Variants in SMPD3 observed in about 807,000 individuals in gnomAD.
SMPD3 encodes the protein sphingomyelin phosphodiesterase 3.
SMPD3 carries 21 observed loss-of-function variants against 55.7 expected under a neutral mutation model. The observed-to-expected ratio is 0.38, with a 90% CI of 0.27 to 0.54. SMPD3 has a LOEUF of 0.54. Among genes scored for constraint, SMPD3 ranks in the 20% least tolerant of loss-of-function variants. The pLI, the probability that SMPD3 is intolerant of heterozygous loss-of-function variation, is 0.80. For missense variants in SMPD3, 842 were observed against 899.6 expected, an observed-to-expected ratio of 0.94 and a Z score of 0.82; for synonymous variants, 457 against 404.3, an observed-to-expected ratio of 1.13 and a Z score of -1.56.
intron 3 of SMPD3, among the ~76,000 whole-genome samples, chr16:68,365,771 C>T (rs2089461643): frequency 6.6e-6 from 1 of 152,214 alleles, no homozygotes; most frequent in Admixed American, 6.5e-5. Context: ...CCCCTCTGCC[C>T]CGACCTCCTG....
chr16:68,376,302 TC>T (rs2089812610), intron 2 of SMPD3, among the ~76,000 whole-genome samples: 2 of 152,182 alleles, frequency 1.3e-5, no homozygotes, highest in African/African-American at 4.8e-5. Flanking sequence ...CTGGTGCCTG[TC>T]CCCTTCCTGT....
In SMPD3 at chr16:68,365,001, T is replaced by A; in HGVS notation, c.1399+16A>T. The A allele has an allele frequency of 6.2e-7, 1 of 1,613,946 alleles. No individual in the cohort carries two copies. The highest frequency in any genetic ancestry group is 8.5e-7 in the Non-Finnish European group (1 of 1,179,962). ...ATCCCATGCCTAGAAAAAACACAGG[T>A]GGGCGGCAACCCTACCTTGCGGGGC... On this transcript the variant is annotated intron_variant, in intron 4 of 8. Coordinates refer to ENST00000219334, the MANE Select transcript of SMPD3 (RefSeq NM_018667.4).
intron 1 of SMPD3, among the ~76,000 whole-genome samples, chr16:68,442,430 C>A (rs547365637): frequency 2.0e-5 from 3 of 152,286 alleles, no homozygotes; most frequent in Admixed American, 2.0e-4. Flanking sequence ...GGACTTATCC[C>A]ACATTGTGGT....
chr16:68,390,484 A>G (rs966284705), intron 1 of SMPD3, among the ~76,000 whole-genome samples: 6 of 152,134 alleles, frequency 3.9e-5, no homozygotes, highest in Non-Finnish European at 7.4e-5. Context: ...AACATGGTGA[A>G]ACCCTGTCTC....
intron 1 of SMPD3, among the ~76,000 whole-genome samples, chr16:68,405,348 C>T (rs1003713535): frequency 1.2e-4 from 18 of 151,888 alleles, no homozygotes; most frequent in Non-Finnish European, 2.4e-4. Context: ...CTCAGGAGTT[C>T]GAGACCAGCC....
At chr16:68,398,239 C>T (rs1054851514) in intron 1 of SMPD3, among the ~76,000 whole-genome samples, 11 of 152,150 alleles carry the variant, frequency 7.2e-5, no homozygotes, top group African/African-American at 2.7e-4. Context: ...CCAAAAAGAG[C>T]ACTTGGGAAG....
At chr16:68,375,724 A>G (rs1473121901) in intron 2 of SMPD3, among the ~76,000 whole-genome samples, 1 of 152,150 alleles carries the variant, frequency 6.6e-6, no homozygotes, top group Non-Finnish European at 1.5e-5. Context: ...AATGGTAGTG[A>G]GTGGCCAGTC....
At chr16:68,388,064 C>T (rs1257042811) in intron 1 of SMPD3, among the ~76,000 whole-genome samples, 1 of 152,152 alleles carries the variant, frequency 6.6e-6, no homozygotes, top group Non-Finnish European at 1.5e-5. Flanking sequence ...CATTAGGGGC[C>T]ACTACAAGAT....
At chr16:68,375,001 C>T (rs1174942224) in intron 2 of SMPD3, among the ~76,000 whole-genome samples, 3 of 152,184 alleles carry the variant, frequency 2.0e-5, no homozygotes, top group Admixed American at 6.5e-5. Flanking sequence ...GCCACCTGGA[C>T]GTCACCCCAA....
chr16:68,398,613 G>A (rs1269404011), intron 1 of SMPD3, among the ~76,000 whole-genome samples: 2 of 152,182 alleles, frequency 1.3e-5, no homozygotes, highest in African/African-American at 4.8e-5. Context: ...TAATCTTGAG[G>A]GATGTGAACA....
At chr16:68,445,362 A>G (rs1436597778) in intron 1 of SMPD3, among the ~76,000 whole-genome samples, 2 of 152,214 alleles carry the variant, frequency 1.3e-5, no homozygotes, top group African/African-American at 2.4e-5. Context: ...GTCCTTATAA[A>G]TGGGTTTGAT....
chr16:68,439,019 A>T (rs1473192345), intron 1 of SMPD3, among the ~76,000 whole-genome samples: 1 of 152,228 alleles, frequency 6.6e-6, no homozygotes, highest in Non-Finnish European at 1.5e-5. Context: ...TGTATTGCTG[A>T]GCACAATGCC....
chr16:68,432,392 TTAAAG>T (rs1475659152), intron 1 of SMPD3, among the ~76,000 whole-genome samples: 3 of 152,350 alleles, frequency 2.0e-5, no homozygotes, highest in South Asian at 2.1e-4. Flanking sequence ...GAAAGCTCTC[TTAAAG>T]TAATTTACTT....
intron 1 of SMPD3, among the ~76,000 whole-genome samples, chr16:68,415,530 C>G (rs950752000): frequency 6.6e-6 from 1 of 152,164 alleles, no homozygotes; most frequent in African/African-American, 2.4e-5. Context: ...GATCTGTCTA[C>G]GGAAACGTTA....
At chr16:68,437,191 G>C (rs933618366) in intron 1 of SMPD3, among the ~76,000 whole-genome samples, 1 of 152,232 alleles carries the variant, frequency 6.6e-6, no homozygotes, top group East Asian at 1.9e-4. Flanking sequence ...CACAGAGTAG[G>C]AGCCAGTTGT....
chr16:68,415,537 G>A (rs2090332418), intron 1 of SMPD3, among the ~76,000 whole-genome samples: 1 of 152,222 alleles, frequency 6.6e-6, no homozygotes. Context: ...CTACGGAAAC[G>A]TTAACCTACG....
chr16:68,377,207 G>A (rs1384486310), intron 2 of SMPD3, among the ~76,000 whole-genome samples: 2 of 152,234 alleles, frequency 1.3e-5, no homozygotes, highest in Non-Finnish European at 2.9e-5. Flanking sequence ...CCCTGCAGTG[G>A]GGACTGGGCT....
In SMPD3 at chr16:68,372,206, G is replaced by A. The variant is rs555569826; in HGVS notation, c.-25C>T. On this transcript the variant is annotated 5_prime_UTR_variant, in exon 3 of 9. Coordinates refer to ENST00000219334, the MANE Select transcript of SMPD3 (RefSeq NM_018667.4). ...TCGCAGCTCACTGGGCGCCGCAGCC[G>A]GCCCTACTACATGGTGTCCGTGGCA... 7 of 1,604,930 alleles carry A rather than the reference G, an allele frequency of 4.4e-6. No individual in the cohort carries two copies. In the South Asian group the frequency reaches 4.5e-5, roughly 10 times the overall value.
At position 68,447,451 on chromosome 16, in the gene SMPD3, G is replaced by C. The variant is rs1430840518; in HGVS notation, c.-269+902C>G. ...GGCTAGGGCGGGTCGTCTCGACTTAGAGCCCCAGGCCTGGATCCAGGTAGG... is the reference window on the plus strand; with the variant it reads ...GGCTAGGGCGGGTCGTCTCGACTTACAGCCCCAGGCCTGGATCCAGGTAGG... On this transcript the variant is annotated intron_variant, in intron 1 of 8. Transcript: ENST00000219334. This position sits in a 1 kb window ranked among gnomAD's most constrained non-coding sequence, Gnocchi z 5.1. Among the ~76,000 whole-genome samples the C allele has an allele frequency of 6.6e-6, 1 of 152,200 alleles. No individual in the cohort carries two copies. The highest frequency in any genetic ancestry group is 1.5e-5 in the Non-Finnish European group (1 of 68,018).
Sources: gnomAD v4.1 joint callset for allele counts (sites outside exome capture counted in the v4.1 genomes callset) on GRCh38, gnomAD v4.1.1 for gene constraint, Gnocchi (gnomAD v3.1) non-coding constraint, MANE v1.5 for transcripts, NCBI Gene and HGNC (gene_info 2026-07-23, HGNC 2026-07-21) for gene names.